Variants in ANKRD42 observed in about 807,000 individuals in gnomAD.
The protein encoded by ANKRD42 is ankyrin repeat domain 42, also known as ankyrin repeat domain-containing protein 42.
A neutral mutation model predicts 51.5 loss-of-function variants in ANKRD42; 43 were observed. That is an observed-to-expected ratio of 0.83 (90% CI 0.65 to 1.08). The LOEUF is 1.08. Among genes scored for constraint, ANKRD42 ranks in the 50% least tolerant of loss-of-function variants. ANKRD42 has a pLI of 0.00. For missense variants in ANKRD42, 608 were observed against 629.3 expected (o/e 0.97, Z 0.36); for synonymous variants, 203 against 213.0 (o/e 0.95, Z 0.41).
intron 5 of ANKRD42, among the ~76,000 whole-genome samples, chr11:83,215,995 A>G (rs1862515346): frequency 6.6e-6 from 1 of 152,152 alleles, no homozygotes; most frequent in Admixed American, 6.5e-5. Flanking sequence ...GGGTTTCACC[A>G]TGTTGGCCAG....
chr11:83,230,121 G>A (rs959025172), intron 7 of ANKRD42, among the ~76,000 whole-genome samples: 1 of 152,050 alleles, frequency 6.6e-6, no homozygotes, highest in African/African-American at 2.4e-5. Context: ...GGGCGATCAC[G>A]ACTAACTGCA....
intron 3 of ANKRD42, chr11:83,209,346 G>T: frequency 8.1e-7 from 1 of 1,238,496 alleles, no homozygotes. Flanking sequence ...GTGCTGCTGG[G>T]AGTTGCTTGG....
intron 10 of ANKRD42, among the ~76,000 whole-genome samples, chr11:83,245,840 A>G (rs1299056817): frequency 6.6e-6 from 1 of 152,210 alleles, no homozygotes; most frequent in Non-Finnish European, 1.5e-5. Flanking sequence ...TTTTTTAAGT[A>G]TACGGTTCAG....
Position 83,213,086 on chromosome 11 carries a change from T to A in ANKRD42, c.586+1656T>A, listed in dbSNP as rs564409176. 220 of 1,600,750 alleles carry A rather than the reference T, an allele frequency of 1.4e-4. 1 individual carries two copies. In the African/African-American group the frequency reaches 2.5e-3, roughly 18 times the overall value. On this transcript the variant is annotated intron_variant, in intron 5 of 10. Coordinates refer to ENST00000533342, the MANE Select transcript of ANKRD42 (RefSeq NM_001300975.2). Reference sequence around the variant, plus strand: ...GTTCTTCCGGCACCAGACTGACTGATATGTCAAAATTAAGTGTAACTGGCA... The same window carrying A: ...GTTCTTCCGGCACCAGACTGACTGAAATGTCAAAATTAAGTGTAACTGGCA...
At chr11:83,225,323 T>A (rs1006118091) in intron 6 of ANKRD42, among the ~76,000 whole-genome samples, 4 of 152,104 alleles carry the variant, frequency 2.6e-5, no homozygotes, top group Non-Finnish European at 5.9e-5. Context: ...TCCCAGAACT[T>A]CGGGAGTCTG....
At chr11:83,220,199 G>A (rs1862675303) in intron 5 of ANKRD42, among the ~76,000 whole-genome samples, 1 of 152,202 alleles carries the variant, frequency 6.6e-6, no homozygotes, top group Non-Finnish European at 1.5e-5. Context: ...TGAAAGAGTT[G>A]GAACTGGTTC....
chr11:83,207,309 C>A (rs1862114990), intron 3 of ANKRD42, among the ~76,000 whole-genome samples: 1 of 152,186 alleles, frequency 6.6e-6, no homozygotes, highest in Non-Finnish European at 1.5e-5. Context: ...TGAGGGGGAA[C>A]ACAGCCAATG....
Position 83,206,306 on chromosome 11 carries a change from T to C in ANKRD42, c.330+141T>C, listed in dbSNP as rs577438581. 6.1e-6 allele frequency: 4 copies of C among 652,796 alleles called. No homozygotes were observed. In the African/African-American group the frequency reaches 7.3e-5, roughly 12 times the overall value. 40.4% of individuals were successfully genotyped at this position (652,796 alleles called of 1,614,324 possible). ...CTTACTGGATTCCACAACTCAGATA[T>C]TCTGATACCAGCTATCCACTTAAAC... On this transcript the variant is annotated intron_variant, in intron 3 of 10. Coordinates refer to ENST00000533342, the MANE Select transcript of ANKRD42 (RefSeq NM_001300975.2).
downstream of ANKRD42, among the ~76,000 whole-genome samples, chr11:83,262,884 T>C (rs796658622): frequency 6.6e-5 from 10 of 152,330 alleles, no homozygotes; most frequent in East Asian, 5.8e-4. Context: ...TGGGCAATTA[T>C]ATATTCTCCC....
At chr11:83,234,517 T>G (rs1863170441) in intron 7 of ANKRD42, among the ~76,000 whole-genome samples, 2 of 152,226 alleles carry the variant, frequency 1.3e-5, no homozygotes, top group South Asian at 4.1e-4. Flanking sequence ...CATATCCTAA[T>G]CAATATTCAA....
intron 7 of ANKRD42, among the ~76,000 whole-genome samples, chr11:83,228,231 C>CTCTT (rs1862953702): frequency 1.5e-4 from 9 of 59,024 alleles, no homozygotes; most frequent in East Asian, 7.2e-4. Flanking sequence ...CTCTCTCTCT[C>CTCTT]TTTTTTTTTT....
At chr11:83,258,369 GATT>G (rs143542686), downstream of ANKRD42, among the ~76,000 whole-genome samples, 4,666 of 152,084 alleles carry the variant, frequency 0.031, 137 homozygotes, top group South Asian at 0.079. Flanking sequence ...TTATTAAAGA[GATT>G]TAAGTTATTT....
chr11:83,242,635 G>A (rs2135552986), intron 9 of ANKRD42, among the ~76,000 whole-genome samples: 2 of 148,372 alleles, frequency 1.3e-5, no homozygotes, highest in African/African-American at 5.0e-5. Flanking sequence ...GCACGATCTT[G>A]GCTCACTGCA....
At chr11:83,206,308 C>G (rs938794040) in intron 3 of ANKRD42, 143 bp downstream of exon 3, 4 of 640,080 alleles carry the variant, frequency 6.2e-6, no homozygotes, top group Admixed American at 5.9e-5. Context: ...CTCAGATATT[C>G]TGATACCAGC....
chr11:83,199,951 G>A (rs1861804428), intron 2 of ANKRD42, among the ~76,000 whole-genome samples: 1 of 152,034 alleles, frequency 6.6e-6, no homozygotes, highest in African/African-American at 2.4e-5. Flanking sequence ...GGTATCCGTG[G>A]GTAGGTGGTT....
chr11:83,218,609 C>T (rs960675089), intron 5 of ANKRD42, among the ~76,000 whole-genome samples: 1 of 152,132 alleles, frequency 6.6e-6, no homozygotes, highest in African/African-American at 2.4e-5. Context: ...TAAATGGGCC[C>T]AAATTCTCAT....
intron 8 of ANKRD42, among the ~76,000 whole-genome samples, chr11:83,239,060 C>T (rs550837337): frequency 2.6e-5 from 4 of 152,176 alleles, no homozygotes; most frequent in South Asian, 4.1e-4. Context: ...TGTTGTTCTA[C>T]ATTCTCACCA....
chr11:83,205,045 C>T (rs1030583483), intron 2 of ANKRD42, among the ~76,000 whole-genome samples: 1 of 152,124 alleles, frequency 6.6e-6, no homozygotes, highest in Non-Finnish European at 1.5e-5. Flanking sequence ...ACTGGAACTC[C>T]CATACATTGC....
chr11:83,262,645 T>C (rs1863993278), downstream of ANKRD42, among the ~76,000 whole-genome samples: 1 of 152,170 alleles, frequency 6.6e-6, no homozygotes, highest in Non-Finnish European at 1.5e-5. Flanking sequence ...AACAGACAAG[T>C]GAGAGATGAA....
Sources: gnomAD v4.1 joint callset for allele counts (sites outside exome capture counted in the v4.1 genomes callset) on GRCh38, gnomAD v4.1.1 for gene constraint, MANE v1.5 for transcripts, NCBI Gene and HGNC (gene_info 2026-07-23, HGNC 2026-07-21) for gene names.